HDAC9: variants seen among roughly 807,000 people sequenced by gnomAD.
The protein encoded by HDAC9 is histone deacetylase 9.
A neutral mutation model predicts 139.4 loss-of-function variants in HDAC9; 41 were observed. The observed-to-expected ratio is 0.29, with a 90% confidence interval of 0.23 to 0.38. The LOEUF is 0.38. Among genes scored for constraint, HDAC9 ranks in the 10% least tolerant of loss-of-function variants. HDAC9 has a pLI of 1.00. For synonymous variants in HDAC9, 517 were observed against 476.2 expected, an observed-to-expected ratio of 1.09 and a Z score of -1.12; for missense variants, 1,147 against 1,297.0, an observed-to-expected ratio of 0.88 and a Z score of 1.78.
chr7:18,916,022 G>GGAGAAAAAAAAAAA (rs1491394538), intron 22 of HDAC9, among the ~76,000 whole-genome samples: 2 of 138,122 alleles, frequency 1.4e-5, no homozygotes, highest in Admixed American at 1.5e-4. Context: ...CCCCCCGCTG[G>GGAGAAAAAAAAAAA]AAAAAAAAAA....
At chr7:18,394,614 G>T (rs1215336316) in intron 1 of HDAC9, among the ~76,000 whole-genome samples, 2 of 152,078 alleles carry the variant, frequency 1.3e-5, no homozygotes, top group Non-Finnish European at 1.5e-5. Context: ...TTGTGTGTGT[G>T]TGTATCTGTG....
chr7:18,544,256 T>A (rs534177132), intron 2 of HDAC9, among the ~76,000 whole-genome samples: 1 of 152,290 alleles, frequency 6.6e-6, no homozygotes, highest in South Asian at 2.1e-4. Context: ...GATAAAGATC[T>A]CATAGGTTTG....
chr7:18,142,863 C>T (rs1383695109), intron 1 of HDAC9, among the ~76,000 whole-genome samples: 3 of 152,184 alleles, frequency 2.0e-5, no homozygotes, highest in Admixed American at 6.5e-5. Context: ...AAGTGTGTGG[C>T]GTAAACCGAT....
Position 18,727,620 on chromosome 7 carries a change from G to A in HDAC9, c.1772G>A (p.Arg591His), listed in dbSNP as rs1013122276. The change falls in exon 13 of 26, where the codon CGC (arginine) becomes CAC (histidine). Residue 591 changes from arginine (R) to histidine (H), a missense_variant. This residue lies in a region of HDAC9 where 256 missense variants were observed against 219.2 expected (regional missense o/e 1.17). Transcript: ENST00000686413. ...EPTHTRALSVRQAPLAAVGMD... is the reference protein window; with the variant it reads ...EPTHTRALSVHQAPLAAVGMD... Reference sequence around the variant, plus strand: ...ACGCACACACGTGCGCTCTCTGTGCGCCAAGCTCCGCTGGCTGCGGTTGGC... The same window carrying A: ...ACGCACACACGTGCGCTCTCTGTGCACCAAGCTCCGCTGGCTGCGGTTGGC... The A allele has an allele frequency of 5.7e-6, 9 of 1,588,634 alleles. No individual in the cohort carries two copies. The African/African-American group carries it at 1.1e-4, about 19-fold the overall frequency.
Position 18,665,295 on chromosome 7 carries a change from G to A in HDAC9, c.1468-918G>A, listed in dbSNP as rs368739116. Reference sequence around the variant, plus strand: ...CTCTTGAAAACACAGTTCAAGGTCTGCAGATGATTTGGTCCACAGGGCCAC... The same window carrying A: ...CTCTTGAAAACACAGTTCAAGGTCTACAGATGATTTGGTCCACAGGGCCAC... On this transcript the variant is annotated intron_variant, in intron 11 of 25. Coordinates refer to ENST00000686413, the MANE Select transcript of HDAC9 (RefSeq NM_178425.4). Among the ~76,000 whole-genome samples, 19 of 152,234 alleles carry A rather than the reference G, an allele frequency of 1.2e-4. No individual in the cohort carries two copies. The East Asian group carries it at 3.5e-3, about 28-fold the overall frequency.
At chr7:18,801,958 T>G (rs972427943) in intron 17 of HDAC9, among the ~76,000 whole-genome samples, 1 of 151,942 alleles carries the variant, frequency 6.6e-6, no homozygotes, top group Admixed American at 6.5e-5. Context: ...CCTCTTTTTC[T>G]TGATCAACTC....
chr7:18,866,478 G>A (rs560730489), intron 21 of HDAC9, among the ~76,000 whole-genome samples: 5 of 152,126 alleles, frequency 3.3e-5, no homozygotes, highest in South Asian at 2.1e-4. Context: ...TTGGTTGCCC[G>A]CTCTCCTCTG....
intron 1 of HDAC9, among the ~76,000 whole-genome samples, chr7:18,149,515 A>G (rs73315777): frequency 0.024 from 3,604 of 150,104 alleles, 140 homozygotes; most frequent in African/African-American, 0.082. Flanking sequence ...ACCACCATGC[A>G]TGGCTAAGGT....
At chr7:18,601,328 A>C (rs989996350) in intron 6 of HDAC9, among the ~76,000 whole-genome samples, 1 of 152,320 alleles carries the variant, frequency 6.6e-6, no homozygotes, top group East Asian at 1.9e-4. Flanking sequence ...CTATCTTGCC[A>C]ATTGGTATAA....
intron 2 of HDAC9, among the ~76,000 whole-genome samples, chr7:18,180,378 G>A (rs1226434921): frequency 6.6e-6 from 1 of 151,226 alleles, no homozygotes; most frequent in Non-Finnish European, 1.5e-5. Context: ...TAGCAACTTT[G>A]TTTTGTCATT....
chr7:18,749,349 G>A (rs1788250545), intron 14 of HDAC9, among the ~76,000 whole-genome samples: 1 of 152,184 alleles, frequency 6.6e-6, no homozygotes, highest in Non-Finnish European at 1.5e-5. Context: ...GAGCTGAGCA[G>A]CTGCCTGATG....
chr7:18,894,686 G>A (rs765700666), intron 22 of HDAC9, among the ~76,000 whole-genome samples: 3 of 152,050 alleles, frequency 2.0e-5, no homozygotes, highest in African/African-American at 7.2e-5. Context: ...GGTCTGATGA[G>A]TACTTGAAAA....
At chr7:18,404,231 A>G (rs1400875582) in intron 1 of HDAC9, among the ~76,000 whole-genome samples, 1 of 152,230 alleles carries the variant, frequency 6.6e-6, no homozygotes, top group Non-Finnish European at 1.5e-5. Flanking sequence ...TTAGTCCACC[A>G]AAAGGTATCT....
At chr7:18,221,126 G>A (rs1792673071) in intron 2 of HDAC9, among the ~76,000 whole-genome samples, 1 of 132,396 alleles carries the variant, frequency 7.6e-6, no homozygotes, top group African/African-American at 3.4e-5. Flanking sequence ...TTTTGTGACG[G>A]AGTTTCACTC....
At chr7:18,754,276 T>C (rs904294432) in intron 14 of HDAC9, among the ~76,000 whole-genome samples, 2 of 152,068 alleles carry the variant, frequency 1.3e-5, no homozygotes, top group Non-Finnish European at 2.9e-5. Context: ...GGTTATTTGG[T>C]GTCCTCTTCA....
At chr7:18,954,507 G>T (rs2129324668) in intron 24 of HDAC9, among the ~76,000 whole-genome samples, 1 of 151,294 alleles carries the variant, frequency 6.6e-6, no homozygotes, top group East Asian at 1.9e-4. Context: ...CCAGAACCAT[G>T]AAATAAATGC....
At chr7:18,543,808 G>T (rs1242705720) in intron 2 of HDAC9, 1 of 150,442 alleles carries the variant, frequency 6.6e-6, no homozygotes, top group African/African-American at 2.4e-5. Flanking sequence ...GTGAACAGCA[G>T]TAATATCTGA....
At chr7:18,292,117 A>G (rs946220401) in intron 1 of HDAC9, among the ~76,000 whole-genome samples, 1 of 151,986 alleles carries the variant, frequency 6.6e-6, no homozygotes, top group African/African-American at 2.4e-5. Flanking sequence ...TTTTTTCTAT[A>G]CTATAGTAAT....
chr7:18,540,912 A>G (rs1212882479), intron 2 of HDAC9, among the ~76,000 whole-genome samples: 2 of 152,182 alleles, frequency 1.3e-5, no homozygotes, highest in Non-Finnish European at 2.9e-5. Flanking sequence ...AGAATTTTAG[A>G]AGATAGATAC....
Sources: gnomAD v4.1 joint callset for allele counts (sites outside exome capture counted in the v4.1 genomes callset) on GRCh38, gnomAD v4.1.1 for gene constraint, gnomAD v4.1.1 regional missense constraint, MANE v1.5 for transcripts, NCBI Gene and HGNC (gene_info 2026-07-23, HGNC 2026-07-21) for gene names.